Variants in GATAD2B observed in about 807,000 individuals in gnomAD.
The protein encoded by GATAD2B is transcriptional repressor p66-beta.
GATAD2B carries 8 observed loss-of-function variants against 64.3 expected under a neutral mutation model. The ratio of observed to expected loss-of-function variants is 0.12; its 90% CI spans 0.07 to 0.22. The LOEUF (loss-of-function observed/expected upper bound fraction) is 0.22. GATAD2B is among the 10% of genes least tolerant of loss of function. The pLI is 1.00. For missense variants in GATAD2B, 453 were observed against 752.0 expected (o/e 0.60, Z 4.65); for synonymous variants, 281 against 271.3 (o/e 1.04, Z -0.35).
At chr1:153,859,918 T>C (rs867684249) in intron 1 of GATAD2B, among the ~76,000 whole-genome samples, 9 of 130,456 alleles carry the variant, frequency 6.9e-5, no homozygotes, top group South Asian at 2.6e-4. Context: ...TTTTTTTTTT[T>C]TTTTTTTTTT....
At chr1:153,842,135 G>A (rs1675518490) in intron 1 of GATAD2B, among the ~76,000 whole-genome samples, 1 of 152,168 alleles carries the variant, frequency 6.6e-6, no homozygotes, top group South Asian at 2.1e-4. Context: ...CACTGCACCT[G>A]GCTGGTGTCA....
intron 1 of GATAD2B, chr1:153,890,826 C>G (rs768945790): frequency 6.6e-6 from 1 of 152,226 alleles, no homozygotes; most frequent in Non-Finnish European, 1.5e-5. Flanking sequence ...CCAGGTGATT[C>G]TGCTATCATT....
intron 1 of GATAD2B, among the ~76,000 whole-genome samples, chr1:153,839,345 T>C (rs988353159): frequency 3.3e-5 from 5 of 151,948 alleles, no homozygotes; most frequent in African/African-American, 4.8e-5. Flanking sequence ...AGACAGAGGA[T>C]AGGGGAATGA....
chr1:153,871,776 T>C (rs1676673712), intron 1 of GATAD2B, among the ~76,000 whole-genome samples: 1 of 151,952 alleles, frequency 6.6e-6, no homozygotes, highest in African/African-American at 2.4e-5. Flanking sequence ...CAGCCTGAAT[T>C]GTACACTTTT....
chr1:153,846,130 C>T (rs975617747), intron 1 of GATAD2B, among the ~76,000 whole-genome samples: 1 of 151,964 alleles, frequency 6.6e-6, no homozygotes, highest in Non-Finnish European at 1.5e-5. Context: ...TCCATTAAAC[C>T]ATTTCTAAAA....
rs900017901 is a variant in GATAD2B, at chr1:153,809,108, T to C, written c.*1069A>G. 1.3e-5 allele frequency: 2 copies of C among 152,214 alleles called. No homozygotes were observed. The highest frequency in any genetic ancestry group is 2.4e-5 in the African/African-American group (1 of 41,450). The allele number at this position is 152,214 out of a possible 1,614,324, so 9.4% of individuals were successfully genotyped here. A position where few individuals can be genotyped will look rare whatever the true frequency, so the allele number is the denominator to read the frequency against. The stretch of plus-strand genomic sequence containing the variant: ...TTTCCTCCTGTTGTCACTTGACTCA[T>C]TTATGTCCACCCAACTTGTGGGACA... On this transcript the variant is annotated 3_prime_UTR_variant, in exon 11 of 11. Coordinates refer to ENST00000368655, the MANE Select transcript of GATAD2B (RefSeq NM_020699.4).
chr1:153,814,922 G>A (rs1674401633), intron 7 of GATAD2B, among the ~76,000 whole-genome samples: 1 of 150,806 alleles, frequency 6.6e-6, no homozygotes, highest in Non-Finnish European at 1.5e-5. Context: ...GTTGCAGTGA[G>A]CTGAGATCAT....
intron 1 of GATAD2B, among the ~76,000 whole-genome samples, chr1:153,901,400 G>C (rs952473719): frequency 2.0e-5 from 3 of 151,916 alleles, no homozygotes; most frequent in Non-Finnish European, 4.4e-5. Flanking sequence ...TGAGAATCAG[G>C]AACTTTAATA....
intron 1 of GATAD2B, among the ~76,000 whole-genome samples, chr1:153,908,781 G>GAAAAAAAAAAA (rs1557832980): frequency 2.1e-4 from 6 of 29,116 alleles, no homozygotes; most frequent in Non-Finnish European, 6.7e-4. Flanking sequence ...AAACATACTT[G>GAAAAAAAAAAA]GAAAAAAAAA....
chr1:153,901,280 T>C (rs998755041), intron 1 of GATAD2B, among the ~76,000 whole-genome samples: 5 of 151,666 alleles, frequency 3.3e-5, no homozygotes, highest in African/African-American at 1.2e-4. Flanking sequence ...GGAACCCAGG[T>C]GGAGAGGTTG....
chr1:153,849,923 T>C (rs897152653), intron 1 of GATAD2B, among the ~76,000 whole-genome samples: 3 of 152,194 alleles, frequency 2.0e-5, no homozygotes, highest in Non-Finnish European at 4.4e-5. Flanking sequence ...TGAGCTACCA[T>C]GCCTGGCTGT....
intron 7 of GATAD2B, among the ~76,000 whole-genome samples, chr1:153,815,291 AAC>A (rs1557780271): frequency 1.4e-4 from 20 of 142,510 alleles, no homozygotes; most frequent in South Asian, 2.2e-4. Flanking sequence ...AAAAAAAAAA[AAC>A]AAAAAAAAAA....
At chr1:153,839,135 G>A (rs867274557) in intron 1 of GATAD2B, among the ~76,000 whole-genome samples, 2,414 of 86,418 alleles carry the variant, frequency 0.028, 33 homozygotes, top group African/African-American at 0.069. Context: ...AAAAAAAAAA[G>A]AAAGTTTAAG....
intron 1 of GATAD2B, chr1:153,852,170 C>T (rs1570959627): frequency 1.2e-6 from 1 of 824,472 alleles, no homozygotes; most frequent in East Asian, 2.5e-5. Flanking sequence ...TGGTCCTAAG[C>T]ATTCTGAGAC....
intron 3 of GATAD2B, among the ~76,000 whole-genome samples, chr1:153,819,135 C>T (rs1012718152): frequency 6.6e-6 from 1 of 152,148 alleles, no homozygotes; most frequent in African/African-American, 2.4e-5. Flanking sequence ...GGACAGACCA[C>T]GTATAAATGC....
chr1:153,857,277 C>G (rs1393709795), intron 1 of GATAD2B, among the ~76,000 whole-genome samples: 1 of 151,956 alleles, frequency 6.6e-6, no homozygotes, highest in African/African-American at 2.4e-5. Flanking sequence ...GAAACCCTGT[C>G]TCCACCAAAA....
intron 1 of GATAD2B, among the ~76,000 whole-genome samples, chr1:153,832,869 C>T (rs980028882): frequency 1.3e-5 from 2 of 152,086 alleles, no homozygotes; most frequent in Admixed American, 6.6e-5. Context: ...GTGAACAGCA[C>T]ATTTTCAATG....
intron 2 of GATAD2B, among the ~76,000 whole-genome samples, chr1:153,820,189 T>C (rs1300133077): frequency 6.6e-6 from 1 of 151,082 alleles, no homozygotes; most frequent in Admixed American, 6.6e-5. Flanking sequence ...TTTGAGGGAA[T>C]AGTGCCAAGA....
chr1:153,855,389 C>G (rs1449112336), intron 1 of GATAD2B, among the ~76,000 whole-genome samples: 1 of 151,822 alleles, frequency 6.6e-6, no homozygotes, highest in Non-Finnish European at 1.5e-5. Context: ...TCCCCACGCC[C>G]GGCTAATTTT....
Sources: allele counts gnomAD v4.1 joint callset (sites outside exome capture counted in the v4.1 genomes callset), GRCh38; gene constraint gnomAD v4.1.1; transcripts MANE v1.5; gene names NCBI Gene and HGNC (gene_info 2026-07-23, HGNC 2026-07-21).